PSD: variants seen among roughly 807,000 people sequenced by gnomAD.
PSD encodes the protein PH and SEC7 domain-containing protein 1.
A neutral mutation model predicts 91.6 loss-of-function variants in PSD; 32 were observed. The ratio of observed to expected loss-of-function variants is 0.35; its 90% CI spans 0.26 to 0.47. The LOEUF (loss-of-function observed/expected upper bound fraction) is 0.47, where lower values mean the gene tolerates loss of function less well. Ranked by LOEUF, PSD falls within the 20% of genes least tolerant of loss-of-function variation. PSD has a pLI of 1.00. For synonymous variants in PSD, 532 were observed against 569.3 expected, an observed-to-expected ratio of 0.93 and a Z score of 0.93; for missense variants, 1,099 against 1,373.9, an observed-to-expected ratio of 0.80 and a Z score of 3.16.
Position 102,416,239 on chromosome 10 carries a change from CAG to C in PSD, c.655-122_655-121del. On this transcript the variant is annotated intron_variant, in intron 2 of 16. Transcript: ENST00000020673. This position sits in a 1 kb window ranked among gnomAD's most constrained non-coding sequence, Gnocchi z 6.0. ...CGACAGAGATGGAGGTTCAGAGACA[CAG>C]AGACAAACACAGAGGGCAAGAGAGA... The C allele has an allele frequency of 8.2e-7, 1 of 1,218,196 alleles. No homozygotes were observed. The highest frequency in any genetic ancestry group is 1.4e-5 in the South Asian group (1 of 69,776). 75.5% of individuals were successfully genotyped at this position (1,218,196 alleles called of 1,614,324 possible). A position where few individuals can be genotyped will look rare whatever the true frequency, so the allele number is the denominator to read the frequency against.
At chr10:102,413,099 G>A (rs2061440388) in intron 5 of PSD, among the ~76,000 whole-genome samples, 1 of 152,126 alleles carries the variant, frequency 6.6e-6, no homozygotes, top group Admixed American at 6.5e-5. Context: ...GGAGTTAGGG[G>A]GTTAAGGGTC....
In PSD at chr10:102,416,760, TG is replaced by T; in HGVS notation, c.278del (p.Pro93HisfsTer19). ...TGACCACAGAGCTCTGGGCCCCGGG[TG>T]GGGGCTGCCCAGTGGGTGAAGAGGG... is the stretch of plus-strand genomic sequence containing the variant. The part of the protein sequence containing the change: ...WAPSSPTGQP[P>X]PGAQSSVVIF... On this transcript the variant is annotated frameshift_variant, in exon 2 of 17. Coordinates refer to ENST00000020673, the MANE Select transcript of PSD (RefSeq NM_002779.5). LOFTEE classifies it high-confidence loss of function. The surrounding 1 kb of genome is among the most constrained non-coding windows in gnomAD (Gnocchi z 6.0). 1.3e-6 allele frequency: 2 copies of T among 1,590,196 alleles called. No individual in the cohort carries two copies. The highest frequency in any genetic ancestry group is 2.2e-5 in the East Asian group (1 of 44,652).
chr10:102,414,968 C>A lies in PSD; in HGVS notation c.1019G>T (p.Gly340Val). The change falls in exon 4 of 17, where the codon GGC (glycine) becomes GTC (valine). Residue 340 changes from glycine (G) to valine (V), a missense_variant. Gly to Val is a moderately radical substitution (Grantham distance 109). Coordinates refer to ENST00000020673, the MANE Select transcript of PSD (RefSeq NM_002779.5). This position sits in a 1 kb window ranked among gnomAD's most constrained non-coding sequence, Gnocchi z 5.6. The part of the protein sequence containing the change: ...PPAPRPGPLP[G>V]PHPSLGSGNE... ...GCCACTGCCGAGGCTGGGATGAGGG[C>A]CAGGGAGTGGGCCGGGCCGTGGGGC... 2 of 1,583,546 alleles carry A rather than the reference C, an allele frequency of 1.3e-6. No individual in the cohort carries two copies. The highest frequency in any genetic ancestry group is 1.7e-4 in the Middle Eastern group (1 of 5,934).
intron 5 of PSD, 137 bp downstream of exon 5, chr10:102,413,632 G>C: frequency 1.2e-6 from 1 of 830,104 alleles, no homozygotes; most frequent in Non-Finnish European, 1.9e-6. Context: ...TAGGAAAACA[G>C]GATCTGCATC....
chr10:102,412,408 G>A lies in PSD; in HGVS notation c.1721C>T (p.Ala574Val). ...CTTGCCCAGGTGCCGGGCCACATCG[G>A]CCTTCCTGAAGCCATCTAGTCGGTA... ...RLYRLDGFRK[A>V]DVARHLGKNN... is the part of the protein sequence containing the mutation. Residue 574 changes from alanine (A) to valine (V), a missense_variant, in exon 6 of 17, where the codon GCC (alanine) becomes GTC (valine). By Grantham distance (64) the Ala-to-Val change is moderately conservative. Transcript: ENST00000020673. 4 of 1,613,986 alleles carry A rather than the reference G, an allele frequency of 2.5e-6. No homozygotes were observed. The highest frequency in any genetic ancestry group is 3.4e-6 in the Non-Finnish European group (4 of 1,179,870).
At position 102,402,942 on chromosome 10, in the gene PSD, G is replaced by T. The variant is rs2061297445; in HGVS notation, c.*258C>A. The T allele has an allele frequency of 3.2e-6, 1 of 309,864 alleles. No individual in the cohort carries two copies. Among genetic ancestry groups the T allele is most frequent in the African/African-American group, 2.2e-5 (1 of 45,824 alleles). The allele number at this position is 309,864 out of a possible 1,614,324, so 19.2% of individuals were successfully genotyped here. Reference sequence around the variant, plus strand: ...AAAAAAAAGCATCAAAAGTTCAGGGGCGCTAGCCCCTCCCGCCCCCGCCCA... The same window carrying T: ...AAAAAAAAGCATCAAAAGTTCAGGGTCGCTAGCCCCTCCCGCCCCCGCCCA... On this transcript the variant is annotated 3_prime_UTR_variant, in exon 17 of 17. Transcript: ENST00000020673.
intron 11 of PSD, among the ~76,000 whole-genome samples, chr10:102,406,291 C>T (rs534907507): frequency 2.6e-5 from 4 of 152,324 alleles, no homozygotes; most frequent in African/African-American, 7.2e-5. Context: ...TCCTGAGCTG[C>T]ACCTCCCCTG....
At chr10:102,411,645 G>C (rs1281257016) in intron 8 of PSD, 62 bp downstream of exon 8, 2 of 1,262,502 alleles carry the variant, frequency 1.6e-6, no homozygotes, top group Non-Finnish European at 2.3e-6. Flanking sequence ...CACACACACA[G>C]GGCCCAGCCC....
chr10:102,411,917 G>A, intron 7 of PSD, 98 bp from the exon 8 acceptor site: 1 of 961,840 alleles, frequency 1.0e-6, no homozygotes. Context: ...AGCTGGGGTG[G>A]GAAGGGGAGG....
At chr10:102,413,701 G>C (rs933403186) in intron 5 of PSD, 68 bp downstream of exon 5, 1 of 1,472,876 alleles carries the variant, frequency 6.8e-7, no homozygotes, top group Non-Finnish European at 9.2e-7. Flanking sequence ...CTCAGGATCT[G>C]TCCCTTACAG....
At chr10:102,417,600 T>C (rs1055615784) in intron 1 of PSD, among the ~76,000 whole-genome samples, 1 of 151,896 alleles carries the variant, frequency 6.6e-6, no homozygotes, top group South Asian at 2.1e-4. Flanking sequence ...AGGTGTTATA[T>C]AGGGATGCTG....
At chr10:102,408,952 G>T in intron 10 of PSD, 1 of 987,624 alleles carries the variant, frequency 1.0e-6, no homozygotes, top group Non-Finnish European at 1.2e-6. Context: ...TGTAGAGCAC[G>T]GGCTTGAGGC....
In PSD at chr10:102,409,366, T is replaced by G; in HGVS notation, c.2091+1492A>C. 1 of 985,004 alleles carries G rather than the reference T, an allele frequency of 1.0e-6. No individual in the cohort carries two copies. Among genetic ancestry groups the G allele is most frequent in the Non-Finnish European group, 1.2e-6 (1 of 829,590 alleles). 61.0% of individuals were successfully genotyped at this position (985,004 alleles called of 1,614,324 possible). On this transcript the variant is annotated intron_variant, in intron 10 of 16. Transcript: ENST00000020673. This position sits in a 1 kb window ranked among gnomAD's most constrained non-coding sequence, Gnocchi z 5.7. ...GACCGCATGAAATGGAGGCGCCCGA[T>G]CGCGAAGGGGGCCCTCCCCGCGCGG... is the stretch of plus-strand genomic sequence containing the variant.
In PSD at chr10:102,414,028, G is replaced by A. The variant is rs1489651134; in HGVS notation, c.1294C>T (p.Pro432Ser). The A allele has an allele frequency of 3.1e-6, 5 of 1,614,048 alleles. No individual in the cohort carries two copies. The highest frequency in any genetic ancestry group is 1.6e-4 in the Middle Eastern group (1 of 6,062). ...SLASLEALAS[P>S]GPTQSPFFTF... ...AAGAAGGGGCTCTGGGTTGGGCCAG[G>A]TGAGGCCAAGGCCTCCAGCGAGGCG... Residue 432 changes from proline to serine, a missense_variant, in exon 5 of 17, where the codon CCT becomes TCT. By Grantham distance (74) the Pro-to-Ser change is moderately conservative (BLOSUM62 -1). Transcript: ENST00000020673. The surrounding 1 kb of genome is among the most constrained non-coding windows in gnomAD (Gnocchi z 5.6).
chr10:102,403,917 GGCCCGGTGCTCCCGCA>G lies in PSD; in HGVS notation c.2753_2768del (p.Leu918ProfsTer41). ...CCCGGCCCTTCTTGCCCAGCTGGGC[GGCCCGGTGCTCCCGCA>G]GCTCACTTGCCATGGCCTTCAGCTT... On this transcript the variant is annotated frameshift_variant, in exon 16 of 17. Coordinates refer to ENST00000020673, the MANE Select transcript of PSD (RefSeq NM_002779.5). LOFTEE classifies it high-confidence loss of function. This position sits in a 1 kb window ranked among gnomAD's most constrained non-coding sequence, Gnocchi z 6.7. 6.3e-7 allele frequency: 1 copy of G among 1,596,548 alleles called. No homozygotes were observed. Among genetic ancestry groups the G allele is most frequent in the Non-Finnish European group, 8.5e-7 (1 of 1,171,574 alleles).
At chr10:102,406,922 C>T (rs2061368959) in intron 11 of PSD, among the ~76,000 whole-genome samples, 1 of 152,096 alleles carries the variant, frequency 6.6e-6, no homozygotes, top group African/African-American at 2.4e-5. Flanking sequence ...TGGTCAAGGC[C>T]CTGCTTCCAG....
chr10:102,418,903 C>T, upstream of PSD: 1 of 350,018 alleles, frequency 2.9e-6, no homozygotes, highest in Non-Finnish European at 5.8e-6. Flanking sequence ...AGGCTGCCAG[C>T]CCCCCTTGTC....
Position 102,403,490 on chromosome 10 carries a change from T to C in PSD, c.2845-60A>G, listed in dbSNP as rs2061310824. The C allele has an allele frequency of 6.7e-7, 1 of 1,485,468 alleles. No individual in the cohort carries two copies. The highest frequency in any genetic ancestry group is 1.9e-5 in the Admixed American group (1 of 51,960). The allele number at this position is 1,485,468 out of a possible 1,614,324, so 92.0% of individuals were successfully genotyped here. A position where few individuals can be genotyped will look rare whatever the true frequency, so the allele number is the denominator to read the frequency against. ...TCTCTGCCTTCTGCCCACCCCACCA[T>C]CTGGACCAGGGAGGGCCGCCAGCAG... On this transcript the variant is annotated intron_variant, in intron 16 of 16. Coordinates refer to ENST00000020673, the MANE Select transcript of PSD (RefSeq NM_002779.5). This position sits in a 1 kb window ranked among gnomAD's most constrained non-coding sequence, Gnocchi z 6.7.
At chr10:102,418,810 T>TCCCCCCCCC, upstream of PSD, 1 of 434,368 alleles carries the variant, frequency 2.3e-6, no homozygotes, top group South Asian at 1.6e-5. Context: ...CGCCTCTCAG[T>TCCCCCCCCC]CCCTCCCCCT....
Sources: gnomAD v4.1 joint callset for allele counts (sites outside exome capture counted in the v4.1 genomes callset) on GRCh38, gnomAD v4.1.1 for gene constraint, Gnocchi (gnomAD v3.1) non-coding constraint, MANE v1.5 for transcripts, NCBI Gene and HGNC (gene_info 2026-07-23, HGNC 2026-07-21) for gene names.